MCF2L: variants seen among roughly 807,000 people sequenced by gnomAD.
MCF2L encodes the protein MCF.2 cell line derived transforming sequence like.
MCF2L carries 97 observed loss-of-function variants against 153.4 expected under a neutral mutation model. The observed-to-expected ratio is 0.63, with a 90% confidence interval of 0.54 to 0.75. The LOEUF (loss-of-function observed/expected upper bound fraction) is 0.75, where lower values mean the gene tolerates loss of function less well. Ranked by LOEUF, MCF2L falls within the 30% of genes least tolerant of loss-of-function variation. The pLI is 0.00. For synonymous variants in MCF2L, 659 were observed against 632.2 expected, an observed-to-expected ratio of 1.04 and a Z score of -0.64; for missense variants, 1,347 against 1,495.2, an observed-to-expected ratio of 0.90 and a Z score of 1.64.
intron 2 of MCF2L, among the ~76,000 whole-genome samples, chr13:112,962,406 G>A (rs2081842504): frequency 6.6e-6 from 1 of 152,236 alleles, no homozygotes; most frequent in East Asian, 1.9e-4. Flanking sequence ...AGGCCTGCAT[G>A]TGCTGGTGGG....
intron 4 of MCF2L, among the ~76,000 whole-genome samples, chr13:113,060,355 G>C (rs962078373): frequency 6.6e-6 from 1 of 152,192 alleles, no homozygotes; most frequent in Admixed American, 6.5e-5. Flanking sequence ...TTTTACATTT[G>C]TAAGCAGCAT....
Position 113,097,259 on chromosome 13 carries a change from T to C in MCF2L, c.*400T>C, listed in dbSNP as rs982705621. On this transcript the variant is annotated 3_prime_UTR_variant, in exon 30 of 30. Transcript: ENST00000535094. The stretch of plus-strand genomic sequence containing the variant: ...TGAGGAGAGCGGGGCACGGGGTCTC[T>C]TTAGCTTTTACAAGTTTTAGGATTT... 8.6e-5 allele frequency: 16 copies of C among 185,900 alleles called. No individual in the cohort carries two copies. Among genetic ancestry groups the C allele is most frequent in the Non-Finnish European group, 6.6e-5 (6 of 90,626 alleles). 11.5% of individuals were successfully genotyped at this position (185,900 alleles called of 1,614,324 possible).
chr13:113,078,504 C>T, intron 14 of MCF2L, 68 bp downstream of exon 14: 1 of 1,455,284 alleles, frequency 6.9e-7, no homozygotes, highest in Non-Finnish European at 9.5e-7. Flanking sequence ...GCCTGGTTCT[C>T]CGTGTGGCCC....
At chr13:112,988,869 G>A (rs9577410) in intron 1 of MCF2L, among the ~76,000 whole-genome samples, 12,143 of 25,192 alleles carry the variant, frequency 0.48, 1,267 homozygotes, top group Non-Finnish European at 0.54. Flanking sequence ...CCTGAGCAGG[G>A]GATGGAGCTA....
chr13:113,076,953 C>T (rs2033553217), intron 12 of MCF2L, 99 bp from the exon 13 acceptor site: 9 of 1,294,598 alleles, frequency 7.0e-6, no homozygotes, highest in Non-Finnish European at 9.7e-6. Flanking sequence ...ACATTTAAAG[C>T]GGGGGTTGGG....
upstream of MCF2L, among the ~76,000 whole-genome samples, chr13:112,968,163 A>G (rs1022670162): frequency 4.5e-5 from 6 of 134,810 alleles, no homozygotes; most frequent in South Asian, 2.3e-4. Context: ...GTCTTGCTAC[A>G]TTGCCCAGGC....
At chr13:112,965,246 G>C (rs1462547259), upstream of MCF2L, 1 of 152,302 alleles carries the variant, frequency 6.6e-6, no homozygotes, top group Non-Finnish European at 1.5e-5. Flanking sequence ...TGGGACACAG[G>C]GACCTGTTCA....
chr13:112,997,098 G>C (rs1260288114), intron 1 of MCF2L, among the ~76,000 whole-genome samples: 1 of 152,244 alleles, frequency 6.6e-6, no homozygotes, highest in Non-Finnish European at 1.5e-5. Flanking sequence ...GGGACTCTGA[G>C]ATCATCTCGT....
chr13:113,029,765 G>A (rs1432064600), intron 3 of MCF2L, among the ~76,000 whole-genome samples: 1 of 152,234 alleles, frequency 6.6e-6, no homozygotes, highest in Non-Finnish European at 1.5e-5. Context: ...AGGAGATGGT[G>A]GACGAGACCC....
chr13:113,077,660 C>T (rs376734747), intron 13 of MCF2L, among the ~76,000 whole-genome samples: 4 of 152,206 alleles, frequency 2.6e-5, no homozygotes, highest in African/African-American at 9.6e-5. Flanking sequence ...CTCCAGGAGC[C>T]CTGAAGAGCC....
chr13:113,084,345 C>CCAGAACCTCCTGAACCT (rs2034438665), intron 18 of MCF2L, among the ~76,000 whole-genome samples: 1 of 152,080 alleles, frequency 6.6e-6, no homozygotes, highest in Non-Finnish European at 1.5e-5. Flanking sequence ...CTCCTGAACC[C>CCAGAACCTCCTGAACCT]CAGAACCTTC....
chr13:113,063,723 A>C (rs932620655), intron 5 of MCF2L: 5 of 408,618 alleles, frequency 1.2e-5, no homozygotes, highest in African/African-American at 1.0e-4. Flanking sequence ...TCACGGCAGC[A>C]GAGGTGCCGG....
intron 14 of MCF2L, 39 bp downstream of exon 14, chr13:113,078,475 C>G (rs753164683): frequency 7.0e-6 from 11 of 1,572,132 alleles, no homozygotes; most frequent in East Asian, 4.5e-5. Flanking sequence ...TCCACACCCC[C>G]CTCCTTGGTT....
At chr13:113,073,429 C>T (rs1239675079) in intron 9 of MCF2L, among the ~76,000 whole-genome samples, 4 of 152,254 alleles carry the variant, frequency 2.6e-5, no homozygotes, top group Non-Finnish European at 4.4e-5. Flanking sequence ...AGAGAAGTCT[C>T]ACTCATCAGC....
intron 27 of MCF2L, chr13:113,095,845 C>T (rs1286855598): frequency 1.0e-6 from 1 of 982,862 alleles, no homozygotes; most frequent in African/African-American, 1.8e-5. Flanking sequence ...TGTGCAGCAT[C>T]CGCTGTGTGC....
At chr13:112,917,208 C>T (rs1468090871) in intron 2 of MCF2L, 3 of 470,296 alleles carry the variant, frequency 6.4e-6, no homozygotes, top group African/African-American at 4.0e-5. Flanking sequence ...CCGGGCACTG[C>T]ACCGCCCTGC....
chr13:113,042,330 C>T (rs2086551312), intron 3 of MCF2L: 1 of 152,250 alleles, frequency 6.6e-6, no homozygotes. Context: ...CCGTCCTTCT[C>T]GTTGAGAAAC....
chr13:113,085,858 GC>G, intron 20 of MCF2L, among the ~76,000 whole-genome samples: 5 of 139,450 alleles, frequency 3.6e-5, no homozygotes, highest in African/African-American at 1.3e-4. Flanking sequence ...GGGAGCAGGT[GC>G]GAGGGGTTTG....
At chr13:113,076,860 G>T (rs535995427) in intron 12 of MCF2L, among the ~76,000 whole-genome samples, 192 bp from the exon 13 acceptor site, 1 of 152,364 alleles carries the variant, frequency 6.6e-6, no homozygotes, top group Admixed American at 6.5e-5. Context: ...GCCCCGTCCC[G>T]TGTGGGGGCT....
Sources: gnomAD v4.1 joint callset for allele counts (sites outside exome capture counted in the v4.1 genomes callset) on GRCh38, gnomAD v4.1.1 for gene constraint, MANE v1.5 for transcripts, NCBI Gene and HGNC (gene_info 2026-07-23, HGNC 2026-07-21) for gene names.